Variants in DNM1L observed in about 807,000 individuals in gnomAD.
DNM1L encodes the protein dynamin-1-like protein.
DNM1L carries 33 observed loss-of-function variants against 92.8 expected under a neutral mutation model. The ratio of observed to expected loss-of-function variants is 0.36; its 90% CI spans 0.27 to 0.48. The LOEUF is 0.48. Among genes scored for constraint, DNM1L ranks in the 20% least tolerant of loss-of-function variants. DNM1L has a pLI of 0.99. For missense variants in DNM1L, 485 were observed against 888.8 expected (o/e 0.55, Z 5.78); for synonymous variants, 284 against 305.0 (o/e 0.93, Z 0.72).
chr12:32,701,948 G>A (rs539362844), intron 2 of DNM1L, among the ~76,000 whole-genome samples: 87 of 149,894 alleles, frequency 5.8e-4, no homozygotes, highest in Admixed American at 1.9e-3. Flanking sequence ...GGCTGGTCTC[G>A]AACTCCTGAC....
At chr12:32,681,605 C>A (rs1367468436) in intron 1 of DNM1L, among the ~76,000 whole-genome samples, 1 of 148,220 alleles carries the variant, frequency 6.7e-6, no homozygotes, top group Non-Finnish European at 1.5e-5. Flanking sequence ...CGCCCCCCCG[C>A]CCCCGCCTTT....
chr12:32,699,439 T>C (rs1268650275), intron 1 of DNM1L, among the ~76,000 whole-genome samples: 1 of 151,996 alleles, frequency 6.6e-6, no homozygotes, highest in African/African-American at 2.4e-5. Flanking sequence ...AAAGGAGAAA[T>C]ACAGAAAGCC....
intron 17 of DNM1L, 22 bp from the exon 18 acceptor site, chr12:32,740,387 T>C (rs1282266015): frequency 6.2e-7 from 1 of 1,611,762 alleles, no homozygotes; most frequent in African/African-American, 1.3e-5. Context: ...AGTAATATTT[T>C]TTCCCCCTCA....
In DNM1L at chr12:32,743,063, T is replaced by C. The variant is rs145364451; in HGVS notation, c.2155-291T>C. Among the ~76,000 whole-genome samples, 3,030 of 151,588 alleles carry C rather than the reference T, an allele frequency of 0.02. 98 individuals are homozygous for C. The highest frequency in any genetic ancestry group is 0.07 in the African/African-American group (2,897 of 41,302). On this transcript the variant is annotated intron_variant, in intron 19 of 19. Coordinates refer to ENST00000549701, the MANE Select transcript of DNM1L (RefSeq NM_012062.5). The stretch of plus-strand genomic sequence containing the variant: ...GGCGCCCACCACCACACCCAGCTAA[T>C]TTTTTGTATTTTTAGTAGAGACGGG...
intron 9 of DNM1L, chr12:32,728,062 A>T (rs1316827104): frequency 1.3e-5 from 2 of 152,386 alleles, no homozygotes; most frequent in Non-Finnish European, 2.9e-5. Context: ...AGGAAGTTGC[A>T]GGGTGATGTA....
At chr12:32,741,686 C>T (rs911576746) in intron 18 of DNM1L, among the ~76,000 whole-genome samples, 4 of 152,144 alleles carry the variant, frequency 2.6e-5, no homozygotes, top group Non-Finnish European at 4.4e-5. Context: ...AATGTGTTCC[C>T]GTTAGATTAT....
chr12:32,730,870 A>G (rs1201808476), intron 9 of DNM1L, 144 bp from the exon 10 acceptor site: 5 of 1,157,752 alleles, frequency 4.3e-6, no homozygotes, highest in Non-Finnish European at 5.0e-6. Context: ...GAGTTAGAAC[A>G]CATGGTAATG....
Position 32,743,476 on chromosome 12 carries a change from A to AATCTT in DNM1L, c.*69_*73dup. On this transcript the variant is annotated 3_prime_UTR_variant, in exon 20 of 20. Coordinates refer to ENST00000549701, the MANE Select transcript of DNM1L (RefSeq NM_012062.5). The stretch of plus-strand genomic sequence containing the variant: ...TGCTAGTTACTGCCTACCTGAGTAG[A>AATCTT]ATCTTATTTATGAACTCCTGTGTAT... 6.8e-7 allele frequency: 1 copy of AATCTT among 1,472,390 alleles called. No individual in the cohort carries two copies. The highest frequency in any genetic ancestry group is 9.5e-7 in the Non-Finnish European group (1 of 1,054,100). The allele number at this position is 1,472,390 out of a possible 1,614,324, so 91.2% of individuals were successfully genotyped here.
At position 32,738,276 on chromosome 12, in the gene DNM1L, A is replaced by G. The variant is rs747853679; in HGVS notation, c.1687A>G (p.Ser563Gly). 3.1e-6 allele frequency: 5 copies of G among 1,613,618 alleles called. No individual in the cohort carries two copies. The highest frequency in any genetic ancestry group is 4.2e-6 in the Non-Finnish European group (5 of 1,179,786). ...TATCTTTTAACAGTTAATTCAGGAC[A>G]GCAGAAGAGAAACTAAAAATGTGAG... ...AEADGKLIQD[S>G]RRETKNVASG... The change falls in exon 16 of 20, where the codon AGC becomes GGC. Residue 563 changes from serine (S) to glycine (G), a missense_variant. Physicochemically the swap from Ser to Gly is moderately conservative, Grantham distance 56 (BLOSUM62 0). Transcript: ENST00000549701.
At chr12:32,734,345 C>T (rs548374487) in intron 13 of DNM1L, among the ~76,000 whole-genome samples, 6 of 151,932 alleles carry the variant, frequency 3.9e-5, no homozygotes, top group African/African-American at 9.7e-5. Flanking sequence ...TTTTCTCTGC[C>T]GCTTTTCTCC....
chr12:32,737,813 A>G (rs1340999281), intron 14 of DNM1L, 52 bp from the exon 15 acceptor site: 1 of 1,330,452 alleles, frequency 7.5e-7, no homozygotes, highest in Non-Finnish European at 1.1e-6. Flanking sequence ...ATGTTCCTGA[A>G]TGCATTTTTG....
intron 2 of DNM1L, chr12:32,707,143 G>A (rs1187637252): frequency 9.0e-6 from 4 of 442,566 alleles, no homozygotes; most frequent in Non-Finnish European, 1.6e-5. Context: ...CCTGAAGTTG[G>A]TCATGTTTTT....
At position 32,679,310 on chromosome 12, in the gene DNM1L, G is replaced by C. The variant is rs550823466; in HGVS notation, c.-54G>C. 2.4e-6 allele frequency: 3 copies of C among 1,267,514 alleles called. No individual in the cohort carries two copies. In the African/African-American group the frequency reaches 4.4e-5, roughly 19 times the overall value. The allele number at this position is 1,267,514 out of a possible 1,614,324, so 78.5% of individuals were successfully genotyped here. A position where few individuals can be genotyped will look rare whatever the true frequency, so the allele number is the denominator to read the frequency against. On this transcript the variant is annotated 5_prime_UTR_variant, in exon 1 of 20. Coordinates refer to ENST00000549701, the MANE Select transcript of DNM1L (RefSeq NM_012062.5). ...AGGAAGGAGGCGAACTGTGGGCCCC[G>C]GCCCCATTCATTGCCGTGGCCGGCG... is the stretch of plus-strand genomic sequence containing the variant.
chr12:32,703,937 C>T (rs1327975612), intron 2 of DNM1L, among the ~76,000 whole-genome samples: 1 of 152,150 alleles, frequency 6.6e-6, no homozygotes, highest in East Asian at 1.9e-4. Context: ...CCCCCTACTT[C>T]TGCCCATGTA....
At chr12:32,726,167 T>C (rs1020392776) in intron 9 of DNM1L, among the ~76,000 whole-genome samples, 3 of 152,118 alleles carry the variant, frequency 2.0e-5, no homozygotes, top group Admixed American at 6.5e-5. Context: ...CGAATGAACA[T>C]GTGTGACAGA....
chr12:32,715,679 C>T (rs1435065561), intron 6 of DNM1L, among the ~76,000 whole-genome samples: 1 of 152,094 alleles, frequency 6.6e-6, no homozygotes, highest in Admixed American at 6.6e-5. Context: ...TTACAATGAG[C>T]CGAGATTGTG....
intron 1 of DNM1L, among the ~76,000 whole-genome samples, chr12:32,700,130 C>CT (rs1256028472): frequency 2.7e-5 from 4 of 146,456 alleles, no homozygotes; most frequent in African/African-American, 1.0e-4. Context: ...TTAGCTATTT[C>CT]TTTTTTTTGA....
chr12:32,735,618 T>C (rs1026561160), intron 13 of DNM1L, among the ~76,000 whole-genome samples: 4 of 152,174 alleles, frequency 2.6e-5, no homozygotes, highest in Non-Finnish European at 2.9e-5. Flanking sequence ...CGGTGGCTCA[T>C]GCCTGTAATC....
chr12:32,710,293 T>A (rs1953076582), intron 4 of DNM1L, among the ~76,000 whole-genome samples: 1 of 152,202 alleles, frequency 6.6e-6, no homozygotes. Flanking sequence ...CCAGGCTGAT[T>A]TGGACAACTT....
Sources: gnomAD v4.1 joint callset for allele counts (sites outside exome capture counted in the v4.1 genomes callset) on GRCh38, gnomAD v4.1.1 for gene constraint, MANE v1.5 for transcripts, NCBI Gene and HGNC (gene_info 2026-07-23, HGNC 2026-07-21) for gene names.